Variants in CPQ observed in about 807,000 individuals in gnomAD.
CPQ encodes the protein carboxypeptidase Q.
Under a neutral mutation model 45.7 loss-of-function variants are expected in CPQ, and 37 were observed. The ratio of observed to expected loss-of-function variants is 0.81; its 90% CI spans 0.62 to 1.07. The LOEUF is 1.07. Among genes scored for constraint, CPQ ranks in the 50% least tolerant of loss-of-function variants. The pLI is 0.00. For missense variants in CPQ, 537 were observed against 572.9 expected, an observed-to-expected ratio of 0.94 and a Z score of 0.64; for synonymous variants, 186 against 205.8, an observed-to-expected ratio of 0.90 and a Z score of 0.82.
intron 7 of CPQ, among the ~76,000 whole-genome samples, chr8:97,127,062 A>C (rs562492915): frequency 3.3e-5 from 5 of 152,232 alleles, no homozygotes; most frequent in Non-Finnish European, 7.3e-5. Flanking sequence ...AACTATGATA[A>C]TTATAGAAGA....
At chr8:97,003,008 A>T (rs1332247376) in intron 5 of CPQ, among the ~76,000 whole-genome samples, 1 of 152,178 alleles carries the variant, frequency 6.6e-6, no homozygotes, top group Non-Finnish European at 1.5e-5. Flanking sequence ...ATTTACTATT[A>T]TATAATGCCC....
chr8:97,127,539 A>G (rs1478939179), intron 7 of CPQ, among the ~76,000 whole-genome samples: 1 of 152,004 alleles, frequency 6.6e-6, no homozygotes, highest in East Asian at 1.9e-4. Context: ...AAATACAAAA[A>G]TTAGCCAGGC....
chr8:97,017,303 G>C lies in CPQ; in HGVS notation c.962-12100G>C, dbSNP rs190527388. 2.0e-5 allele frequency among the ~76,000 whole-genome samples: 3 copies of C among 152,214 alleles called. No homozygotes were observed. The East Asian group carries it at 5.8e-4, about 29-fold the overall frequency. On this transcript the variant is annotated intron_variant, in intron 5 of 7. Transcript: ENST00000220763. ...CAAGCCACTTCTGCCTCACCTCACA[G>C]GGGTCCTTGAGGAGGGGTGCTAGAG...
chr8:96,698,521 CT>C (rs1809415566), intron 1 of CPQ, among the ~76,000 whole-genome samples: 1 of 151,980 alleles, frequency 6.6e-6, no homozygotes, highest in South Asian at 2.1e-4. Flanking sequence ...AGTCAAAATG[CT>C]TGTGCATAGC....
At chr8:96,989,408 G>A (rs1809047493) in intron 5 of CPQ, among the ~76,000 whole-genome samples, 1 of 145,868 alleles carries the variant, frequency 6.9e-6, no homozygotes, top group East Asian at 2.1e-4. Context: ...AAGGAGAGGG[G>A]AGGGGAGGGG....
intron 4 of CPQ, among the ~76,000 whole-genome samples, chr8:96,925,386 CTT>C (rs1328006543): frequency 2.3e-4 from 32 of 139,850 alleles, no homozygotes; most frequent in Non-Finnish European, 2.2e-4. Flanking sequence ...CAGGCCTCTG[CTT>C]TTTTTTTTTT....
intron 4 of CPQ, among the ~76,000 whole-genome samples, chr8:96,955,766 C>T (rs899019850): frequency 6.6e-6 from 1 of 152,070 alleles, no homozygotes; most frequent in Non-Finnish European, 1.5e-5. Context: ...AAAAACAAGA[C>T]ATGGGGAAAG....
intron 6 of CPQ, among the ~76,000 whole-genome samples, chr8:97,032,527 C>A (rs932054907): frequency 6.6e-6 from 1 of 152,224 alleles, no homozygotes; most frequent in African/African-American, 2.4e-5. Flanking sequence ...AGGCTGGGAG[C>A]ATTCTATAGC....
chr8:97,025,582 C>T (rs959914722), intron 5 of CPQ, among the ~76,000 whole-genome samples: 1 of 152,190 alleles, frequency 6.6e-6, no homozygotes, highest in African/African-American at 2.4e-5. Flanking sequence ...CATGTGCTTG[C>T]CTTGGACTGG....
intron 4 of CPQ, 57 bp downstream of exon 4, chr8:96,880,062 T>C (rs2130881222): frequency 6.8e-7 from 1 of 1,472,236 alleles, no homozygotes; most frequent in Admixed American, 1.7e-5. Context: ...GTTTGAGTTA[T>C]TAGAGATAGT....
At chr8:96,919,787 T>G (rs1409116728) in intron 4 of CPQ, among the ~76,000 whole-genome samples, 2 of 152,190 alleles carry the variant, frequency 1.3e-5, no homozygotes, top group Non-Finnish European at 2.9e-5. Context: ...GACTTTGGTG[T>G]GGCCTAATCT....
At chr8:96,775,245 A>AT (rs765033362) in intron 1 of CPQ, among the ~76,000 whole-genome samples, 55 of 152,292 alleles carry the variant, frequency 3.6e-4, no homozygotes, top group Non-Finnish European at 6.2e-4. Context: ...AAAACAAATA[A>AT]TTTGTAATGC....
intron 6 of CPQ, among the ~76,000 whole-genome samples, chr8:97,048,798 A>G (rs1810304995): frequency 6.6e-6 from 1 of 152,242 alleles, no homozygotes; most frequent in Non-Finnish European, 1.5e-5. Flanking sequence ...TGCCTCAGGC[A>G]TGAAGCCCAT....
At chr8:96,971,069 G>A (rs938798504) in intron 5 of CPQ, among the ~76,000 whole-genome samples, 6 of 152,112 alleles carry the variant, frequency 3.9e-5, no homozygotes, top group African/African-American at 7.2e-5. Context: ...TGGGTATAGC[G>A]TACTTTGGAA....
chr8:97,087,871 A>AAAT (rs1262038998), intron 7 of CPQ, among the ~76,000 whole-genome samples: 1 of 152,250 alleles, frequency 6.6e-6, no homozygotes, highest in Non-Finnish European at 1.5e-5. Flanking sequence ...GCTTAAAAAT[A>AAAT]AATGGTACAT....
At chr8:96,781,601 C>T (rs1810685946) in intron 1 of CPQ, among the ~76,000 whole-genome samples, 1 of 152,116 alleles carries the variant, frequency 6.6e-6, no homozygotes, top group African/African-American at 2.4e-5. Flanking sequence ...CATAGTATTC[C>T]TCCTGTCATG....
At chr8:96,981,783 T>C (rs1813902411) in intron 5 of CPQ, among the ~76,000 whole-genome samples, 1 of 152,212 alleles carries the variant, frequency 6.6e-6, no homozygotes, top group South Asian at 2.1e-4. Flanking sequence ...TAAACATTAA[T>C]TGAACACCTG....
intron 1 of CPQ, among the ~76,000 whole-genome samples, chr8:96,774,454 C>T (rs989990113): frequency 3.9e-5 from 6 of 151,968 alleles, no homozygotes; most frequent in Non-Finnish European, 8.8e-5. Context: ...GGAAAGGGAC[C>T]TCTGTTTAAG....
At chr8:96,661,199 T>A (rs184185330) in intron 1 of CPQ, among the ~76,000 whole-genome samples, 47 of 152,312 alleles carry the variant, frequency 3.1e-4, no homozygotes, top group East Asian at 3.1e-3. Flanking sequence ...GACTTTTTTT[T>A]AAAAAAGACT....
Sources: allele counts gnomAD v4.1 joint callset (sites outside exome capture counted in the v4.1 genomes callset), GRCh38; gene constraint gnomAD v4.1.1; transcripts MANE v1.5; gene names NCBI Gene and HGNC (gene_info 2026-07-23, HGNC 2026-07-21).